LIFR: variants seen among roughly 807,000 people sequenced by gnomAD.
The protein encoded by LIFR is leukemia inhibitory factor receptor.
LIFR carries 84 observed loss-of-function variants against 122.2 expected under a neutral mutation model. The ratio of observed to expected loss-of-function variants is 0.69; its 90% CI spans 0.58 to 0.82. The LOEUF is 0.82. Among genes scored for constraint, LIFR ranks in the 40% least tolerant of loss-of-function variants. The pLI is 0.00. For missense variants in LIFR, 1,294 were observed against 1,311.6 expected (o/e 0.99, Z 0.21); for synonymous variants, 422 against 434.7 (o/e 0.97, Z 0.36).
At chr5:38,575,372 T>G (rs1040310262) in intron 1 of LIFR, among the ~76,000 whole-genome samples, 2 of 152,228 alleles carry the variant, frequency 1.3e-5, no homozygotes, top group Non-Finnish European at 2.9e-5. Flanking sequence ...TTATGATATA[T>G]GCACTTATAT....
At chr5:38,486,620 A>G (rs1205963130) in intron 16 of LIFR, among the ~76,000 whole-genome samples, 3 of 152,234 alleles carry the variant, frequency 2.0e-5, no homozygotes, top group African/African-American at 7.2e-5. Flanking sequence ...AAAAAGTGAC[A>G]GTTCTCTACC....
chr5:38,567,378 G>A (rs370771669), intron 1 of LIFR, among the ~76,000 whole-genome samples: 6 of 151,628 alleles, frequency 4.0e-5, no homozygotes, highest in African/African-American at 1.2e-4. Context: ...AATCCCCTTC[G>A]TTTCTCTGTC....
chr5:38,602,001 G>A (rs952295042), intron 2 of LIFR, among the ~76,000 whole-genome samples: 1 of 152,166 alleles, frequency 6.6e-6, no homozygotes, highest in Admixed American at 6.6e-5. Context: ...TTCTCCGTGT[G>A]TGAGTCAATT....
chr5:38,545,686 C>G lies in LIFR; in HGVS notation c.-20+10648G>C, dbSNP rs529119667. The stretch of plus-strand genomic sequence containing the variant: ...GACCATCCTGGCTAACACAGTGAAA[C>G]CCTGTGTCTACTAAAAATTCAAAAA... On this transcript the variant is annotated intron_variant, in intron 1 of 19. Coordinates refer to ENST00000453190, the MANE Select transcript of LIFR (RefSeq NM_001127671.2). 2.6e-5 allele frequency among the ~76,000 whole-genome samples: 4 copies of G among 151,746 alleles called. No homozygotes were observed. In the East Asian group the frequency reaches 5.8e-4, roughly 22 times the overall value.
At chr5:38,490,895 G>T in intron 14 of LIFR, 1 of 152,304 alleles carries the variant, frequency 6.6e-6, no homozygotes, top group African/African-American at 2.4e-5. Context: ...TGAACAAAAT[G>T]TAAGTCTACA....
intron 1 of LIFR, among the ~76,000 whole-genome samples, chr5:38,582,776 C>T (rs1291481460): frequency 1.3e-5 from 2 of 152,282 alleles, no homozygotes; most frequent in East Asian, 1.9e-4. Flanking sequence ...TTTCGGTTCT[C>T]ATCACTGTTA....
intron 5 of LIFR, among the ~76,000 whole-genome samples, chr5:38,515,328 A>C (rs1368660283): frequency 6.6e-6 from 1 of 152,088 alleles, no homozygotes; most frequent in Non-Finnish European, 1.5e-5. Flanking sequence ...AGCCAGCCAG[A>C]AAGCCCTCAG....
chr5:38,476,791 G>A lies in LIFR; in HGVS notation c.*4804C>T, dbSNP rs55917124. On this transcript the variant is annotated 3_prime_UTR_variant, in exon 20 of 20. Transcript: ENST00000453190. The stretch of plus-strand genomic sequence containing the variant: ...CACTTACACATAAAAACATTCAGAG[G>A]GTTTTCCCCTTAACACACAACTTTT... 0.014 allele frequency: 2,942 copies of A among 211,564 alleles called. 79 individuals carry two copies. Among genetic ancestry groups the A allele is most frequent in the African/African-American group, 0.062 (2,757 of 44,222 alleles). The allele number at this position is 211,564 out of a possible 1,614,324, so 13.1% of individuals were successfully genotyped here.
chr5:38,485,674 AACC>A, intron 17 of LIFR, 142 bp downstream of exon 17: 2 of 785,884 alleles, frequency 2.5e-6, no homozygotes, highest in South Asian at 3.1e-5. Context: ...ACAGCTTTTT[AACC>A]CTTCCCTCTA....
chr5:38,486,200 T>C (rs1744279448), intron 16 of LIFR, among the ~76,000 whole-genome samples: 1 of 152,220 alleles, frequency 6.6e-6, no homozygotes, highest in African/African-American at 2.4e-5. Flanking sequence ...AAGTGGAGTT[T>C]TTCTACTGAT....
chr5:38,476,754 C>T lies in LIFR; in HGVS notation c.*4841G>A, dbSNP rs1307069696. On this transcript the variant is annotated 3_prime_UTR_variant, in exon 20 of 20. Coordinates refer to ENST00000453190, the MANE Select transcript of LIFR (RefSeq NM_001127671.2). ...AAGAGCTTTTGATGTACTGTTTCTACGGTTCTTTAGGCACTTACACATAAA... is the reference window on the plus strand; with the variant it reads ...AAGAGCTTTTGATGTACTGTTTCTATGGTTCTTTAGGCACTTACACATAAA... 15 of 209,356 alleles carry T rather than the reference C, an allele frequency of 7.2e-5. No individual in the cohort carries two copies. The highest frequency in any genetic ancestry group is 1.9e-4 in the South Asian group (1 of 5,350). 13.0% of individuals were successfully genotyped at this position (209,356 alleles called of 1,614,324 possible). A position where few individuals can be genotyped will look rare whatever the true frequency, so the allele number is the denominator to read the frequency against.
intron 13 of LIFR, among the ~76,000 whole-genome samples, chr5:38,494,839 A>G (rs1485953906): frequency 6.6e-6 from 1 of 152,206 alleles, no homozygotes; most frequent in African/African-American, 2.4e-5. Context: ...CACAGGCTAC[A>G]GAGAGCGTTC....
At chr5:38,502,899 C>T in intron 10 of LIFR, 100 bp from the exon 11 acceptor site, 3 of 616,342 alleles carry the variant, frequency 4.9e-6, no homozygotes, top group Non-Finnish European at 7.5e-6. Context: ...GGTAAGAAAG[C>T]CTTCACATTT....
At chr5:38,562,674 G>A (rs565564537) in intron 1 of LIFR, among the ~76,000 whole-genome samples, 1 of 152,318 alleles carries the variant, frequency 6.6e-6, no homozygotes, top group Admixed American at 6.5e-5. Flanking sequence ...ATTGAGCTGA[G>A]GTCCAGCCAG....
At chr5:38,482,688 C>T (rs1349024078) in intron 18 of LIFR, 21 bp from the exon 19 acceptor site, 4 of 1,013,614 alleles carry the variant, frequency 3.9e-6, no homozygotes, top group African/African-American at 1.6e-5. Context: ...AAAATTATTA[C>T]AGTAAATTTA....
At chr5:38,563,573 A>C (rs1404431365) in intron 1 of LIFR, among the ~76,000 whole-genome samples, 1 of 152,238 alleles carries the variant, frequency 6.6e-6, no homozygotes, top group Non-Finnish European at 1.5e-5. Flanking sequence ...ATAATTTATA[A>C]TGATTTAGAA....
rs1054764771 is a variant in LIFR, at chr5:38,480,498, A to G, written c.*1097T>C. On this transcript the variant is annotated 3_prime_UTR_variant, in exon 20 of 20. Transcript: ENST00000453190. ...TTCTCTCTTTAGTTTTATATTTAAA[A>G]ATGTGAGGACTGGATCAGATAATGT... The G allele has an allele frequency of 1.4e-5, 3 of 215,252 alleles. No individual in the cohort carries two copies. The highest frequency in any genetic ancestry group is 6.8e-5 in the African/African-American group (3 of 44,312). 13.3% of individuals were successfully genotyped at this position (215,252 alleles called of 1,614,324 possible).
intron 1 of LIFR, among the ~76,000 whole-genome samples, chr5:38,535,237 C>A (rs1356281612): frequency 6.6e-6 from 1 of 152,190 alleles, no homozygotes; most frequent in Non-Finnish European, 1.5e-5. Flanking sequence ...CTCCTTAGGC[C>A]AGCACCCTTT....
intron 1 of LIFR, among the ~76,000 whole-genome samples, chr5:38,534,193 G>A (rs1300241006): frequency 6.6e-6 from 1 of 152,102 alleles, no homozygotes; most frequent in East Asian, 1.9e-4. Context: ...ACTTTGACCA[G>A]CAACTATTTT....
Sources: gnomAD v4.1 joint callset for allele counts (sites outside exome capture counted in the v4.1 genomes callset) on GRCh38, gnomAD v4.1.1 for gene constraint, MANE v1.5 for transcripts, NCBI Gene and HGNC (gene_info 2026-07-23, HGNC 2026-07-21) for gene names.